Variants in DCAF1 observed in about 807,000 individuals in gnomAD.
DCAF1 encodes DDB1- and CUL4-associated factor 1.
In DCAF1, 15 loss-of-function variants were observed where a neutral mutation model predicts 128.0. That is an observed-to-expected ratio of 0.12 (90% confidence interval 0.08 to 0.18). The LOEUF (loss-of-function observed/expected upper bound fraction) is 0.18. Among genes scored for constraint, DCAF1 ranks in the 10% least tolerant of loss-of-function variants. The pLI, the probability that DCAF1 is intolerant of heterozygous loss-of-function variation, is 1.00. For missense variants in DCAF1, 988 were observed against 1,649.5 expected, an observed-to-expected ratio of 0.60 and a Z score of 6.95; for synonymous variants, 610 against 603.0, an observed-to-expected ratio of 1.01 and a Z score of -0.17.
At chr3:51,406,664 C>T (rs145537173) in intron 23 of DCAF1, among the ~76,000 whole-genome samples, 16 of 152,270 alleles carry the variant, frequency 1.1e-4, no homozygotes, top group Non-Finnish European at 2.1e-4. Flanking sequence ...AAGCTCCCTC[C>T]GCTGCTCTCT....
chr3:51,423,825 A>C (rs970573037), intron 13 of DCAF1, among the ~76,000 whole-genome samples: 11 of 151,710 alleles, frequency 7.3e-5, no homozygotes. Context: ...GTTTCAAAAA[A>C]AAAAAAAAAA....
In DCAF1 at chr3:51,427,544, A is replaced by G. The variant is rs571162921; in HGVS notation, c.1678-3T>C. The stretch of plus-strand genomic sequence containing the variant: ...TGTTCATGAGTATATGAGCATGCCT[A>G]TAAGGAGAGATATATAGTATTATTA... On this transcript the variant is annotated splice_region_variant and splice_polypyrimidine_tract_variant and intron_variant, in intron 12 of 24. Transcript: ENST00000684031. The G allele has an allele frequency of 3.7e-5, 26 of 696,646 alleles. No individual in the cohort carries two copies. The highest frequency in any genetic ancestry group is 3.4e-4 in the South Asian group (21 of 62,414). The allele number at this position is 696,646 out of a possible 1,614,324, so 43.2% of individuals were successfully genotyped here.
rs782767214 is a variant in DCAF1, at chr3:51,470,948, T to C, written c.168A>G (p.Pro56=). ...TEEYRKGDPD[P]FDDRHPGRAD... ...TCTTACCAGGATGTCGATCATCAAA[T>C]GGGTCTGGATCCCCTTTACGATACT... Residue 56 remains proline, a synonymous_variant, in exon 4 of 25, where the codon CCA becomes CCG. Coordinates refer to ENST00000684031, the MANE Select transcript of DCAF1 (RefSeq NM_001387579.1). 7 of 1,598,956 alleles carry C rather than the reference T, an allele frequency of 4.4e-6. No individual in the cohort carries two copies. The East Asian group carries it at 1.3e-4, about 31-fold the overall frequency.
At chr3:51,428,600 A>G (rs1553634717) in intron 12 of DCAF1, among the ~76,000 whole-genome samples, 4 of 152,164 alleles carry the variant, frequency 2.6e-5, no homozygotes, top group African/African-American at 9.7e-5. Context: ...CATTATCCCA[A>G]AACATATCAA....
chr3:51,448,348 T>C (rs1702066628), intron 6 of DCAF1, among the ~76,000 whole-genome samples: 1 of 152,206 alleles, frequency 6.6e-6, no homozygotes, highest in Non-Finnish European at 1.5e-5. Context: ...CCCTGTCAGA[T>C]CTTCCAGTTC....
chr3:51,448,994 T>A (rs1702121824), intron 6 of DCAF1, among the ~76,000 whole-genome samples: 1 of 152,046 alleles, frequency 6.6e-6, no homozygotes, highest in African/African-American at 2.4e-5. Flanking sequence ...TCTCACAATC[T>A]TTTCTAGTCA....
intron 18 of DCAF1, among the ~76,000 whole-genome samples, chr3:51,415,496 AAAATAAAT>A (rs1170345930): frequency 6.6e-6 from 1 of 152,170 alleles, no homozygotes; most frequent in Non-Finnish European, 1.5e-5. Context: ...CCCTGTCTCA[AAAATAAAT>A]AAATAAATAA....
intron 4 of DCAF1, among the ~76,000 whole-genome samples, chr3:51,469,999 C>T (rs1283669259): frequency 3.3e-5 from 5 of 151,948 alleles, no homozygotes; most frequent in African/African-American, 7.3e-5. Context: ...GCCGGCTGGG[C>T]GACAGAGCAA....
intron 10 of DCAF1, among the ~76,000 whole-genome samples, chr3:51,430,713 G>A (rs1375596363): frequency 1.3e-5 from 2 of 152,220 alleles, no homozygotes; most frequent in African/African-American, 4.8e-5. Flanking sequence ...TTAGCCATAA[G>A]TAATTTTGTA....
At chr3:51,437,044 C>G (rs1375873746) in intron 9 of DCAF1, among the ~76,000 whole-genome samples, 1 of 151,766 alleles carries the variant, frequency 6.6e-6, no homozygotes, top group Non-Finnish European at 1.5e-5. Context: ...AGGCGGATCC[C>G]TTGAGGTCAG....
intron 23 of DCAF1, among the ~76,000 whole-genome samples, chr3:51,409,520 T>C (rs1184152158): frequency 6.6e-6 from 1 of 152,162 alleles, no homozygotes; most frequent in Non-Finnish European, 1.5e-5. Flanking sequence ...GATAATGATG[T>C]TGACAAACAA....
downstream of DCAF1, chr3:51,397,735 A>G (rs577817823): frequency 6.0e-6 from 1 of 167,266 alleles, no homozygotes; most frequent in East Asian, 1.9e-4. Flanking sequence ...TGTGGGCAGA[A>G]CATGCTCTCC....
At chr3:51,503,202 A>T (rs964466570), upstream of DCAF1, among the ~76,000 whole-genome samples, 1 of 152,068 alleles carries the variant, frequency 6.6e-6, no homozygotes. Context: ...AAGAGTGAGG[A>T]GTGCTTTGGG....
chr3:51,447,499 T>C (rs964833817), intron 6 of DCAF1, among the ~76,000 whole-genome samples: 1 of 152,186 alleles, frequency 6.6e-6, no homozygotes, highest in Non-Finnish European at 1.5e-5. Flanking sequence ...ATAGAATATA[T>C]TTACCACGTA....
At chr3:51,493,008 A>G (rs1257920886) in intron 2 of DCAF1, among the ~76,000 whole-genome samples, 1 of 152,052 alleles carries the variant, frequency 6.6e-6, no homozygotes, top group Non-Finnish European at 1.5e-5. Flanking sequence ...AAATAAATAA[A>G]TAAATAAAAG....
intron 13 of DCAF1, among the ~76,000 whole-genome samples, chr3:51,425,393 A>C (rs1577104832): frequency 6.6e-6 from 1 of 151,990 alleles, no homozygotes; most frequent in Middle Eastern, 3.4e-3. Flanking sequence ...AATCACTTGA[A>C]CCTGGGAGGT....
chr3:51,490,504 GA>G (rs1707508080), intron 2 of DCAF1, among the ~76,000 whole-genome samples: 2 of 152,174 alleles, frequency 1.3e-5, no homozygotes, highest in Non-Finnish European at 2.9e-5. Flanking sequence ...GTCAATTCAT[GA>G]TGACCTAAAT....
intron 2 of DCAF1, among the ~76,000 whole-genome samples, chr3:51,484,417 G>A (rs1553654321): frequency 6.7e-6 from 1 of 149,330 alleles, no homozygotes; most frequent in Non-Finnish European, 1.5e-5. Flanking sequence ...AGGTTGCAGT[G>A]AGCCGAGATC....
At chr3:51,454,615 G>A (rs531496634) in intron 6 of DCAF1, among the ~76,000 whole-genome samples, 29 of 151,836 alleles carry the variant, frequency 1.9e-4, no homozygotes, top group Non-Finnish European at 3.4e-4. Flanking sequence ...TACCTGCCTC[G>A]GCCTCCCAAA....
Sources: gnomAD v4.1 joint callset for allele counts (sites outside exome capture counted in the v4.1 genomes callset) on GRCh38, gnomAD v4.1.1 for gene constraint, MANE v1.5 for transcripts, NCBI Gene and HGNC (gene_info 2026-07-23, HGNC 2026-07-21) for gene names.